CIT: variants seen among roughly 807,000 people sequenced by gnomAD.
CIT encodes the protein citron Rho-interacting kinase.
In CIT, 79 loss-of-function variants were observed where a neutral mutation model predicts 272.7. The ratio of observed to expected loss-of-function variants is 0.29; its 90% confidence interval spans 0.24 to 0.35. CIT has a LOEUF of 0.35. CIT is among the 10% of genes least tolerant of loss of function. The probability of loss-of-function intolerance (pLI) is 1.00; values close to 1 mark genes in which losing one functional copy is unlikely to be tolerated. For synonymous variants in CIT, 948 were observed against 995.6 expected, an observed-to-expected ratio of 0.95 and a Z score of 0.90; for missense variants, 1,909 against 2,618.3, an observed-to-expected ratio of 0.73 and a Z score of 5.91.
rs1180931315 is a variant in CIT at position 119,784,100 on chromosome 12, G to A, written c.1402-49C>T. On this transcript the variant is annotated intron_variant, in intron 11 of 47. Coordinates refer to ENST00000392521, the MANE Select transcript of CIT (RefSeq NM_001206999.2). The surrounding 1 kb of genome is among the most constrained non-coding windows in gnomAD (Gnocchi z 4.7). ...TAAAAAGGCCCGTGGAGGTTCATTA[G>A]GAGCAATCACATCTCAAGTAGCCTC... The A allele has an allele frequency of 2.5e-6, 4 of 1,613,630 alleles. No individual in the cohort carries two copies. In the Admixed American group the frequency reaches 6.7e-5, roughly 27 times the overall value.
intron 10 of CIT, among the ~76,000 whole-genome samples, chr12:119,789,328 AC>A (rs1187163013): frequency 2.6e-5 from 4 of 152,178 alleles, no homozygotes; most frequent in African/African-American, 7.2e-5. Context: ...TTTTGGCCAG[AC>A]CATTTGGTAC....
chr12:119,699,548 G>A (rs988289148), intron 44 of CIT, among the ~76,000 whole-genome samples: 1 of 152,248 alleles, frequency 6.6e-6, no homozygotes, highest in Non-Finnish European at 1.5e-5. Flanking sequence ...AACCAGTAGA[G>A]CGTGGTGGAA....
At chr12:119,769,807 C>A (rs1294457353) in intron 18 of CIT, among the ~76,000 whole-genome samples, 2 of 152,146 alleles carry the variant, frequency 1.3e-5, no homozygotes, top group Non-Finnish European at 2.9e-5. Context: ...TAAATACACA[C>A]AAACAGAAAT....
intron 17 of CIT, among the ~76,000 whole-genome samples, chr12:119,771,780 G>C (rs184531445): frequency 2.0e-5 from 3 of 152,274 alleles, no homozygotes; most frequent in Admixed American, 2.0e-4. Flanking sequence ...TACAGAAATG[G>C]GAAGCAGGAG....
At chr12:119,809,986 C>T (rs972951874) in intron 9 of CIT, among the ~76,000 whole-genome samples, 2 of 152,330 alleles carry the variant, frequency 1.3e-5, no homozygotes, top group East Asian at 1.9e-4. Context: ...CCCCATACCT[C>T]GCCCTATGCA....
intron 41 of CIT, among the ~76,000 whole-genome samples, chr12:119,704,118 T>C (rs1956743256): frequency 6.6e-6 from 1 of 151,888 alleles, no homozygotes; most frequent in South Asian, 2.1e-4. Context: ...CTGGGCTGGA[T>C]GGGGAGGCAG....
intron 18 of CIT, 44 bp from the exon 19 acceptor site, chr12:119,767,226 C>A: frequency 7.0e-7 from 1 of 1,434,656 alleles, no homozygotes; most frequent in Non-Finnish European, 9.6e-7. Flanking sequence ...GAGGGCAGGA[C>A]ACCGCCAATG....
In CIT at chr12:119,713,013, CA is replaced by C. The variant is rs1258808420; in HGVS notation, c.4579+189del. The C allele has an allele frequency of 1.1e-5, 7 of 634,128 alleles. No homozygotes were observed. The highest frequency in any genetic ancestry group is 4.4e-4 in the Middle Eastern group (1 of 2,274). 39.3% of individuals were successfully genotyped at this position (634,128 alleles called of 1,614,324 possible). A position where few individuals can be genotyped will look rare whatever the true frequency, so the allele number is the denominator to read the frequency against. ...TCAGGGCAGCGCCCTGCGGGTTCTT[CA>C]GGGGGGAGACCTATAGATGTGAGTA... On this transcript the variant is annotated intron_variant, in intron 35 of 47. Transcript: ENST00000392521. The surrounding 1 kb of genome is among the most constrained non-coding windows in gnomAD (Gnocchi z 5.2).
chr12:119,709,813 T>A (rs879368564), intron 39 of CIT, among the ~76,000 whole-genome samples: 5,578 of 149,944 alleles, frequency 0.037, 221 homozygotes, highest in African/African-American at 0.082. Flanking sequence ...TGTGTGTGTG[T>A]GTGTGTGTGT....
At chr12:119,704,578 G>A (rs547236669) in intron 40 of CIT, 123 bp from the exon 41 acceptor site, 18 of 834,044 alleles carry the variant, frequency 2.2e-5, no homozygotes, top group Non-Finnish European at 3.3e-5. Flanking sequence ...TCTGTGTGGT[G>A]GGGGGAGGGC....
intron 10 of CIT, among the ~76,000 whole-genome samples, chr12:119,798,652 T>C (rs1286008338): frequency 6.6e-6 from 1 of 152,168 alleles, no homozygotes; most frequent in South Asian, 2.1e-4. Context: ...TATTTTACTT[T>C]CCATTAGTAT....
chr12:119,711,050 T>C lies in CIT; in HGVS notation c.4855-430A>G, dbSNP rs368835841. 393 of 1,367,312 alleles carry C rather than the reference T, an allele frequency of 2.9e-4. No homozygotes were observed. The African/African-American group carries it at 3.7e-3, about 13-fold the overall frequency. 84.7% of individuals were successfully genotyped at this position (1,367,312 alleles called of 1,614,324 possible). On this transcript the variant is annotated intron_variant, in intron 37 of 47. Coordinates refer to ENST00000392521, the MANE Select transcript of CIT (RefSeq NM_001206999.2). The stretch of plus-strand genomic sequence containing the variant: ...CAGCACGCCTCTGCATCTCTTTACC[T>C]GAACCCAGGCAGGCAGAAGCTCGTA...
intron 9 of CIT, among the ~76,000 whole-genome samples, chr12:119,809,355 A>C (rs1461715493): frequency 1.1e-5 from 1 of 87,908 alleles, no homozygotes; most frequent in African/African-American, 4.5e-5. Context: ...CAAATTCTAC[A>C]CTTAGGCAGA....
intron 23 of CIT, among the ~76,000 whole-genome samples, chr12:119,750,794 T>C (rs1960150719): frequency 6.8e-6 from 1 of 146,830 alleles, no homozygotes; most frequent in African/African-American, 2.5e-5. Flanking sequence ...GATAGATAGA[T>C]AGAGATATAG....
At chr12:119,833,341 T>G (rs1968773079) in intron 6 of CIT, among the ~76,000 whole-genome samples, 1 of 152,032 alleles carries the variant, frequency 6.6e-6, no homozygotes, top group Non-Finnish European at 1.5e-5. Context: ...AAACATCAGA[T>G]GAATGAAGAC....
intron 4 of CIT, among the ~76,000 whole-genome samples, chr12:119,851,288 G>A (rs912977440): frequency 2.0e-5 from 3 of 152,158 alleles, no homozygotes; most frequent in African/African-American, 4.8e-5. Context: ...GTGAGTGCAC[G>A]CACATGTGTA....
chr12:119,764,698 A>C (rs1267405429), intron 19 of CIT, among the ~76,000 whole-genome samples: 1 of 152,206 alleles, frequency 6.6e-6, no homozygotes. Context: ...AAATTGGGAA[A>C]TATGTCAGAA....
In CIT at chr12:119,791,881, G is replaced by A. The variant is rs752156943; in HGVS notation, c.1296-6816C>T. Among the ~76,000 whole-genome samples, 5 of 152,164 alleles carry A rather than the reference G, an allele frequency of 3.3e-5. No homozygotes were observed. The East Asian group carries it at 5.8e-4, about 18-fold the overall frequency. The stretch of plus-strand genomic sequence containing the variant: ...AGAAAGAGCAGGCATGGTCATTACC[G>A]CTGTAACAGGAAGACATGTTTTCTT... On this transcript the variant is annotated intron_variant, in intron 10 of 47. Transcript: ENST00000392521.
intron 10 of CIT, among the ~76,000 whole-genome samples, chr12:119,796,098 T>A (rs1305364814): frequency 6.6e-6 from 1 of 152,192 alleles, no homozygotes; most frequent in Non-Finnish European, 1.5e-5. Flanking sequence ...TTGAAGTGAT[T>A]CAGTAGGGGA....
Sources: allele counts gnomAD v4.1 joint callset (sites outside exome capture counted in the v4.1 genomes callset), GRCh38; gene constraint gnomAD v4.1.1; non-coding constraint Gnocchi (gnomAD v3.1); transcripts MANE v1.5; gene names NCBI Gene and HGNC (gene_info 2026-07-23, HGNC 2026-07-21).